The following HAVCR1 variants were observed in gnomAD, a reference collection of about 807,000 sequenced individuals.
HAVCR1 encodes hepatitis A virus cellular receptor 1.
In HAVCR1, 34 loss-of-function variants were observed where a neutral mutation model predicts 32.0. The ratio of observed to expected loss-of-function variants is 1.06; its 90% CI spans 0.81 to 1.42. The LOEUF (loss-of-function observed/expected upper bound fraction) is 1.42, where lower values mean the gene tolerates loss of function less well. Among genes scored for constraint, HAVCR1 ranks in the 40% most tolerant of loss-of-function variants. HAVCR1 has a pLI of 0.00. For synonymous variants in HAVCR1, 178 were observed against 170.3 expected (o/e 1.05, Z -0.35); for missense variants, 420 against 442.3 (o/e 0.95, Z 0.45).
rs1756400277 is a variant in HAVCR1, at chr5:157,059,042, A to G, written c.-134T>C. On this transcript the variant is annotated 5_prime_UTR_variant, in exon 1 of 9. Transcript: ENST00000523175. ...AAAAATGCTTCCTCTATCTCCCACC[A>G]AGGATTGATATAATAAGCAAAAAGG... The G allele has an allele frequency of 6.6e-6, 1 of 152,156 alleles. No individual in the cohort carries two copies. The allele number at this position is 152,156 out of a possible 1,614,324, so 9.4% of individuals were successfully genotyped here.
intron 8 of HAVCR1, among the ~76,000 whole-genome samples, chr5:157,031,756 G>T (rs570251718): frequency 6.7e-6 from 1 of 148,564 alleles, no homozygotes; most frequent in Admixed American, 6.8e-5. Flanking sequence ...GGAGGTGGAG[G>T]TTGCAGATCA....
At chr5:157,032,782 A>G in intron 8 of HAVCR1, 72 bp downstream of exon 8, 1 of 909,560 alleles carries the variant, frequency 1.1e-6, no homozygotes, top group East Asian at 2.4e-5. Flanking sequence ...TTTAGGAGAG[A>G]GACAGAAATC....
At chr5:157,045,347 C>T (rs1755327663) in intron 5 of HAVCR1, among the ~76,000 whole-genome samples, 1 of 152,094 alleles carries the variant, frequency 6.6e-6, no homozygotes, top group Admixed American at 6.5e-5. Context: ...TAATAGTACA[C>T]AGCCCATCAA....
intron 6 of HAVCR1, among the ~76,000 whole-genome samples, chr5:157,038,656 T>C (rs933076073): frequency 3.9e-5 from 6 of 152,182 alleles, no homozygotes; most frequent in African/African-American, 7.2e-5. Flanking sequence ...AGCCAGTGTC[T>C]GGGAGTGCAA....
intron 2 of HAVCR1, among the ~76,000 whole-genome samples, chr5:157,057,530 C>T: frequency 6.6e-6 from 1 of 152,020 alleles, no homozygotes; most frequent in East Asian, 1.9e-4. Context: ...ACTCTCCCTC[C>T]ACCTCCCACC....
upstream of HAVCR1, among the ~76,000 whole-genome samples, chr5:157,063,985 G>A (rs1208742260): frequency 1.3e-5 from 2 of 152,210 alleles, no homozygotes; most frequent in African/African-American, 2.4e-5. Context: ...TCACAGAGGA[G>A]TGAGGGCAGA....
Position 157,052,262 on chromosome 5 carries a change from C to T in HAVCR1, c.673+99G>A. On this transcript the variant is annotated intron_variant, in intron 4 of 8. Coordinates refer to ENST00000523175, the MANE Select transcript of HAVCR1 (RefSeq NM_001173393.3). ...ACCCTGATTGAAACCCAGGTAAGACCCCTCACTCTAGACTGTCCTTCTACC... is the reference window on the plus strand; with the variant it reads ...ACCCTGATTGAAACCCAGGTAAGACTCCTCACTCTAGACTGTCCTTCTACC... 16 of 1,038,600 alleles carry T rather than the reference C, an allele frequency of 1.5e-5. No individual in the cohort carries two copies. The South Asian group carries it at 2.4e-4, about 15-fold the overall frequency. 64.3% of individuals were successfully genotyped at this position (1,038,600 alleles called of 1,614,324 possible). A position where few individuals can be genotyped will look rare whatever the true frequency, so the allele number is the denominator to read the frequency against.
At chr5:157,044,379 AG>A (rs1755097943) in intron 5 of HAVCR1, among the ~76,000 whole-genome samples, 1 of 36,334 alleles carries the variant, frequency 2.8e-5, no homozygotes, top group African/African-American at 1.2e-4. Context: ...GAAGGAAGGA[AG>A]GAAGGAAGGA....
intron 3 of HAVCR1, among the ~76,000 whole-genome samples, chr5:157,054,904 A>G (rs1490336615): frequency 6.6e-6 from 1 of 152,198 alleles, no homozygotes; most frequent in Non-Finnish European, 1.5e-5. Flanking sequence ...ACCATTTTAT[A>G]TAGGGACTTG....
Position 157,029,553 on chromosome 5 carries a change from G to A in HAVCR1, c.*180C>T, listed in dbSNP as rs1486087824. The A allele has an allele frequency of 6.7e-7, 1 of 1,485,974 alleles. No individual in the cohort carries two copies. The highest frequency in any genetic ancestry group is 2.0e-5 in the Admixed American group (1 of 50,798). 92.0% of individuals were successfully genotyped at this position (1,485,974 alleles called of 1,614,324 possible). ...AAATTAGGACTACATTAATGATGAG[G>A]TTGACTATACACAGTTTGGAGTGAG... On this transcript the variant is annotated 3_prime_UTR_variant, in exon 9 of 9. Transcript: ENST00000523175.
intron 5 of HAVCR1, among the ~76,000 whole-genome samples, chr5:157,045,954 T>C (rs1023660353): frequency 1.2e-4 from 19 of 152,196 alleles, no homozygotes; most frequent in African/African-American, 4.1e-4. Flanking sequence ...TCTTCCTCCT[T>C]ACACTCTCAA....
chr5:157,058,187 G>A (rs1756338904), intron 1 of HAVCR1: 1 of 465,636 alleles, frequency 2.1e-6, no homozygotes, highest in Non-Finnish European at 3.9e-6. Context: ...CACAGAAACA[G>A]CCCCTGACTT....
At chr5:157,057,399 GA>G (rs775838720) in intron 2 of HAVCR1, among the ~76,000 whole-genome samples, 2 of 29,622 alleles carry the variant, frequency 6.8e-5, no homozygotes, top group Non-Finnish European at 1.7e-4. Context: ...AAGAAAGAAA[GA>G]AAGAAAGAAA....
At chr5:157,055,699 C>A (rs994850411) in intron 2 of HAVCR1, among the ~76,000 whole-genome samples, 166 bp from the exon 3 acceptor site, 4 of 151,878 alleles carry the variant, frequency 2.6e-5, no homozygotes, top group African/African-American at 4.8e-5. Context: ...AACCCGATCT[C>A]TACTAAAAAA....
At chr5:157,050,970 C>G (rs919104959) in intron 4 of HAVCR1, among the ~76,000 whole-genome samples, 2 of 152,176 alleles carry the variant, frequency 1.3e-5, no homozygotes, top group African/African-American at 2.4e-5. Flanking sequence ...ACATTTGTTA[C>G]TCCTCAGAAT....
intron 8 of HAVCR1, among the ~76,000 whole-genome samples, chr5:157,030,994 ATT>A (rs1754137830): frequency 7.3e-6 from 1 of 137,704 alleles, no homozygotes; most frequent in Non-Finnish European, 1.5e-5. Flanking sequence ...AGTGTTCATA[ATT>A]TGTTAGTGTG....
At position 157,033,031 on chromosome 5, in the gene HAVCR1, TC is replaced by T. The variant is rs534459759; in HGVS notation, c.953-145del. On this transcript the variant is annotated intron_variant, in intron 7 of 8. Transcript: ENST00000523175. ...TACCTTGAGGTGTCTCCTTCCCATG[TC>T]CCTTTTGATTCTGCAGGACCCAAAC... 1.2e-3 allele frequency: 684 copies of T among 569,208 alleles called. 7 individuals are homozygous for T. The highest frequency in any genetic ancestry group is 3.0e-3 in the Admixed American group (82 of 26,944). 35.3% of individuals were successfully genotyped at this position (569,208 alleles called of 1,614,324 possible). A position where few individuals can be genotyped will look rare whatever the true frequency, so the allele number is the denominator to read the frequency against.
At chr5:157,034,564 C>G (rs1203022714) in intron 7 of HAVCR1, among the ~76,000 whole-genome samples, 1 of 151,414 alleles carries the variant, frequency 6.6e-6, no homozygotes, top group African/African-American at 2.4e-5. Flanking sequence ...AGCACAGACC[C>G]TTTACGGGTG....
intron 6 of HAVCR1, among the ~76,000 whole-genome samples, chr5:157,040,189 T>A (rs926493573): frequency 1.4e-5 from 2 of 143,670 alleles, no homozygotes; most frequent in African/African-American, 4.9e-5. Flanking sequence ...TCCCAGCTAC[T>A]CGGGAGGCTG....
Sources: gnomAD v4.1 joint callset for allele counts (sites outside exome capture counted in the v4.1 genomes callset) on GRCh38, gnomAD v4.1.1 for gene constraint, MANE v1.5 for transcripts, NCBI Gene and HGNC (gene_info 2026-07-23, HGNC 2026-07-21) for gene names.